The following PRDM15 variants were observed in gnomAD, a reference collection of about 807,000 sequenced individuals.
PRDM15 encodes the protein PR domain zinc finger protein 15.
A neutral mutation model predicts 128.6 loss-of-function variants in PRDM15; 64 were observed. The ratio of observed to expected loss-of-function variants is 0.50; its 90% CI spans 0.41 to 0.61. PRDM15 has a LOEUF of 0.61. Ranked by LOEUF, PRDM15 falls within the 20% of genes least tolerant of loss-of-function variation. The pLI is 0.00. For synonymous variants in PRDM15, 615 were observed against 621.8 expected (o/e 0.99, Z 0.16); for missense variants, 1,242 against 1,569.1 (o/e 0.79, Z 3.52).
chr21:41,806,564 T>C (rs1190047861), intron 21 of PRDM15, among the ~76,000 whole-genome samples: 1 of 5,302 alleles, frequency 1.9e-4, no homozygotes, highest in Non-Finnish European at 4.0e-4. Flanking sequence ...ACCATCACCA[T>C]CACCATACCA....
intron 13 of PRDM15, among the ~76,000 whole-genome samples, chr21:41,825,616 T>C (rs188452236): frequency 2.0e-5 from 3 of 152,280 alleles, no homozygotes; most frequent in Non-Finnish European, 4.4e-5. Context: ...TCCTCATTCA[T>C]TGTGCCCCAG....
Position 41,820,969 on chromosome 21 carries a change from T to C in PRDM15, c.2060+98A>G, listed in dbSNP as rs1304732492. ...CTGAGACCCAGAGGACATCACTTGT[T>C]GGAAGCTACAAATGGCTCCTTATAG... On this transcript the variant is annotated intron_variant, in intron 16 of 23. Transcript: ENST00000398548. 3.4e-6 allele frequency: 5 copies of C among 1,480,622 alleles called. No individual in the cohort carries two copies. In the Admixed American group the frequency reaches 8.5e-5, roughly 25 times the overall value. 91.7% of individuals were successfully genotyped at this position (1,480,622 alleles called of 1,614,324 possible).
At chr21:41,868,037 CA>C (rs35935542) in intron 1 of PRDM15, among the ~76,000 whole-genome samples, 81,704 of 130,680 alleles carry the variant, frequency 0.63, 23,450 homozygotes, top group East Asian at 0.66. Flanking sequence ...AACATTGTCT[CA>C]AAAAAAAAAA....
chr21:41,852,390 G>C (rs1367784895), intron 5 of PRDM15, among the ~76,000 whole-genome samples: 1 of 152,226 alleles, frequency 6.6e-6, no homozygotes, highest in Non-Finnish European at 1.5e-5. Flanking sequence ...GAAGATCACA[G>C]TTACTTGGGC....
At chr21:41,824,638 G>C (rs1238305300) in intron 13 of PRDM15, among the ~76,000 whole-genome samples, 2 of 152,280 alleles carry the variant, frequency 1.3e-5, no homozygotes, top group East Asian at 1.9e-4. Flanking sequence ...GGGGGATAAG[G>C]GGCACAGGCT....
chr21:41,831,073 C>G (rs1216002780), intron 11 of PRDM15, among the ~76,000 whole-genome samples: 1 of 152,274 alleles, frequency 6.6e-6, no homozygotes, highest in African/African-American at 2.4e-5. Flanking sequence ...AGGAGCGGGG[C>G]ACCAGAGCAG....
intron 21 of PRDM15, among the ~76,000 whole-genome samples, chr21:41,806,516 C>A (rs1380030505): frequency 0.011 from 208 of 19,268 alleles, no homozygotes; most frequent in African/African-American, 0.049. Context: ...ACCATCACCA[C>A]CACCATCACC....
chr21:41,877,055 G>T (rs1400626361), intron 1 of PRDM15, among the ~76,000 whole-genome samples: 8 of 151,802 alleles, frequency 5.3e-5, no homozygotes, highest in African/African-American at 1.9e-4. Flanking sequence ...CCCATCCTGG[G>T]CTCATCCCAC....
chr21:41,843,618 G>A (rs2063141136), intron 6 of PRDM15, among the ~76,000 whole-genome samples: 1 of 152,330 alleles, frequency 6.6e-6, no homozygotes, highest in Non-Finnish European at 1.5e-5. Context: ...TGTGAGCAAT[G>A]TGAGGCTGCA....
chr21:41,864,813 C>G (rs947871132), intron 1 of PRDM15, among the ~76,000 whole-genome samples: 4 of 152,122 alleles, frequency 2.6e-5, no homozygotes, highest in Non-Finnish European at 5.9e-5. Context: ...TTCCCACTGT[C>G]CCAGGAACAA....
intron 18 of PRDM15, among the ~76,000 whole-genome samples, chr21:41,818,022 T>C (rs1159858656): frequency 6.6e-6 from 1 of 152,254 alleles, no homozygotes; most frequent in East Asian, 1.9e-4. Flanking sequence ...GACCCAGGTG[T>C]GGCTCCTCTC....
chr21:41,827,403 G>C (rs2062509129), intron 12 of PRDM15, among the ~76,000 whole-genome samples: 1 of 152,202 alleles, frequency 6.6e-6, no homozygotes, highest in Non-Finnish European at 1.5e-5. Context: ...GCTCTGGAAA[G>C]CAGTGATGCA....
Position 41,819,648 on chromosome 21 carries a change from T to C in PRDM15, c.2194A>G (p.Met732Val). ...QCGKSFARKD[M>V]LKEHMRVHDN... is the part of the protein sequence containing the mutation. Reference sequence around the variant, plus strand: ...TGCACACGCATGTGCTCCTTCAGCATGTCCTTCCTGGCAAAGGACTTCCCA... The same window carrying C: ...TGCACACGCATGTGCTCCTTCAGCACGTCCTTCCTGGCAAAGGACTTCCCA... Residue 732 changes from methionine (M) to valine (V), a missense_variant, in exon 18 of 24, where the codon ATG becomes GTG. Physicochemically the swap from Met to Val is conservative, Grantham distance 21. Around this residue, in one of 3 missense-constraint regions of PRDM15, gnomAD observed 602 missense variants for 788.3 expected, o/e 0.76. Transcript: ENST00000398548. 1 of 1,611,040 alleles carries C rather than the reference T, an allele frequency of 6.2e-7. No homozygotes were observed. Among genetic ancestry groups the C allele is most frequent in the Non-Finnish European group, 8.5e-7 (1 of 1,179,290 alleles).
At chr21:41,875,924 A>G (rs549706744) in intron 1 of PRDM15, among the ~76,000 whole-genome samples, 8 of 152,296 alleles carry the variant, frequency 5.3e-5, no homozygotes, top group African/African-American at 1.7e-4. Context: ...TAGAGTGTAC[A>G]TACACAACCC....
chr21:41,824,177 G>A (rs1230256111), intron 13 of PRDM15, among the ~76,000 whole-genome samples: 1 of 152,178 alleles, frequency 6.6e-6, no homozygotes, highest in Non-Finnish European at 1.5e-5. Flanking sequence ...TGCCCACATT[G>A]TCAAGAAGAG....
At position 41,839,060 on chromosome 21, in the gene PRDM15, C is replaced by T. The variant is rs145426778; in HGVS notation, c.871+563G>A. Among the ~76,000 whole-genome samples, 1,074 of 152,290 alleles carry T rather than the reference C, an allele frequency of 7.1e-3. 9 individuals carry two copies. The highest frequency in any genetic ancestry group is 0.024 in the African/African-American group (1,009 of 41,560). ...GGACAAGAGCCTTACAGAGACCACACACCCTGGAAGAGGGTCAAATGCCTC... is the reference window on the plus strand; with the variant it reads ...GGACAAGAGCCTTACAGAGACCACATACCCTGGAAGAGGGTCAAATGCCTC... On this transcript the variant is annotated intron_variant, in intron 7 of 23. Coordinates refer to ENST00000398548, the MANE Select transcript of PRDM15 (RefSeq NM_001040424.3).
rs759214586 is a variant in PRDM15 at position 41,860,311 on chromosome 21, TC to T, written c.37+15del. 2 of 1,611,680 alleles carry T rather than the reference TC, an allele frequency of 1.2e-6. No individual in the cohort carries two copies. The highest frequency in any genetic ancestry group is 2.2e-5 in the South Asian group (2 of 91,022). ...GGGCTGGTCTCGGACCTGGGACAGG[TC>T]CCTGGGTCACTTACAGATGAACATG... On this transcript the variant is annotated intron_variant, in intron 2 of 23. Transcript: ENST00000398548.
chr21:41,807,793 T>A (rs1347699307), intron 21 of PRDM15, among the ~76,000 whole-genome samples: 1 of 152,118 alleles, frequency 6.6e-6, no homozygotes, highest in Non-Finnish European at 1.5e-5. Context: ...AGAAACAAAT[T>A]GGTTCGAGAA....
At chr21:41,855,898 CT>C (rs2063568202) in intron 4 of PRDM15, among the ~76,000 whole-genome samples, 4 of 69,158 alleles carry the variant, frequency 5.8e-5, no homozygotes, top group African/African-American at 2.1e-4. Flanking sequence ...TCTTTCCTTC[CT>C]TCCTTCCTTT....
Sources: allele counts gnomAD v4.1 joint callset (sites outside exome capture counted in the v4.1 genomes callset), GRCh38; gene constraint gnomAD v4.1.1; regional missense constraint gnomAD v4.1.1; transcripts MANE v1.5; gene names NCBI Gene and HGNC (gene_info 2026-07-23, HGNC 2026-07-21).